Variants in LRRC37A2 observed in about 807,000 individuals in gnomAD.
LRRC37A2 encodes leucine rich repeat containing 37 member A2.
LRRC37A2 carries 9 observed loss-of-function variants against 68.8 expected under a neutral mutation model. The observed-to-expected ratio is 0.13, with a 90% CI of 0.08 to 0.23. The LOEUF (loss-of-function observed/expected upper bound fraction) is 0.23, where lower values mean the gene tolerates loss of function less well. Among genes scored for constraint, LRRC37A2 ranks in the 10% least tolerant of loss-of-function variants. LRRC37A2 has a pLI of 1.00. For synonymous variants in LRRC37A2, 63 were observed against 367.6 expected, an observed-to-expected ratio of 0.17 and a Z score of 9.48; for missense variants, 168 against 950.4, an observed-to-expected ratio of 0.18 and a Z score of 10.82.
At chr17:46,881,510 A>G in the LRRC37A2 span, among the ~76,000 whole-genome samples, 1 of 152,242 alleles carries the variant, frequency 6.6e-6, no homozygotes, top group Non-Finnish European at 1.5e-5. Flanking sequence ...ACCAAAGGCT[A>G]TATCGCTAGC....
chr17:46,779,180 T>G, the LRRC37A2 span, among the ~76,000 whole-genome samples: 1 of 151,490 alleles, frequency 6.6e-6, no homozygotes, highest in Admixed American at 6.6e-5. Flanking sequence ...AATGAAGAAC[T>G]CTTCCAAAGG....
At chr17:46,749,470 G>A in the LRRC37A2 span, among the ~76,000 whole-genome samples, 3 of 152,158 alleles carry the variant, frequency 2.0e-5, no homozygotes, top group Non-Finnish European at 4.4e-5. Flanking sequence ...TCTGAGGAAG[G>A]AATTACATAC....
At chr17:46,920,383 C>G in the LRRC37A2 span, among the ~76,000 whole-genome samples, 1 of 152,076 alleles carries the variant, frequency 6.6e-6, no homozygotes, top group South Asian at 2.1e-4. Flanking sequence ...GTTCCTATCT[C>G]CAGTATCTGT....
chr17:46,935,000 T>G, the LRRC37A2 span: 1 of 1,607,998 alleles, frequency 6.2e-7, no homozygotes. Context: ...ATAAGCAAAG[T>G]TAATCAAGTG....
chr17:46,834,495 G>T, the LRRC37A2 span, among the ~76,000 whole-genome samples: 1 of 152,154 alleles, frequency 6.6e-6, no homozygotes, highest in Non-Finnish European at 1.5e-5. Flanking sequence ...TTTACAACAG[G>T]GGGTACGGAG....
chr17:46,722,958 A>G, the LRRC37A2 span, among the ~76,000 whole-genome samples: 1 of 152,216 alleles, frequency 6.6e-6, no homozygotes, highest in Non-Finnish European at 1.5e-5. Flanking sequence ...GCAAAAAACA[A>G]GAACGTCACT....
chr17:46,844,251 C>A, the LRRC37A2 span, among the ~76,000 whole-genome samples: 1 of 151,790 alleles, frequency 6.6e-6, no homozygotes, highest in Non-Finnish European at 1.5e-5. Flanking sequence ...GCCACTGTAT[C>A]CAGCCTATAC....
chr17:46,803,625 A>C, the LRRC37A2 span, among the ~76,000 whole-genome samples: 1 of 152,212 alleles, frequency 6.6e-6, no homozygotes, highest in Admixed American at 6.5e-5. Context: ...GATAAAGTTC[A>C]CGCTAGACAA....
chr17:46,493,038 G>C, the LRRC37A2 span, among the ~76,000 whole-genome samples: 1 of 146,804 alleles, frequency 6.8e-6, no homozygotes, highest in Non-Finnish European at 1.5e-5. Flanking sequence ...TAAGTATATG[G>C]TGGTAGCTTC....
At chr17:46,804,416 G>A in the LRRC37A2 span, among the ~76,000 whole-genome samples, 18 of 152,208 alleles carry the variant, frequency 1.2e-4, no homozygotes, top group African/African-American at 4.3e-4. Flanking sequence ...AATCTGATGT[G>A]TTTTCCGTCA....
chr17:46,898,709 T>A, the LRRC37A2 span, among the ~76,000 whole-genome samples: 1 of 152,202 alleles, frequency 6.6e-6, no homozygotes, highest in Non-Finnish European at 1.5e-5. Context: ...GTAGCCAGAT[T>A]CAACAGAGAG....
At chr17:47,048,230 T>C in the LRRC37A2 span, among the ~76,000 whole-genome samples, 1 of 150,910 alleles carries the variant, frequency 6.6e-6, no homozygotes, top group Non-Finnish European at 1.5e-5. Flanking sequence ...TTCTTCCACT[T>C]TCTCACAATC....
chr17:46,921,897 G>A, the LRRC37A2 span, among the ~76,000 whole-genome samples: 1 of 152,194 alleles, frequency 6.6e-6, no homozygotes, highest in African/African-American at 2.4e-5. Flanking sequence ...ACTGTTAACT[G>A]GTTCAACCAT....
chr17:46,735,382 ACGT>A, the LRRC37A2 span, among the ~76,000 whole-genome samples: 6 of 152,022 alleles, frequency 3.9e-5, no homozygotes, highest in African/African-American at 1.4e-4. Flanking sequence ...GGGGATTATA[ACGT>A]CGTAGTAGTC....
the LRRC37A2 span, among the ~76,000 whole-genome samples, chr17:46,742,914 C>G: frequency 6.6e-6 from 1 of 152,142 alleles, no homozygotes; most frequent in Admixed American, 6.5e-5. Flanking sequence ...AAAATTATTC[C>G]TATTTCAAGA....
At chr17:46,834,391 G>C in the LRRC37A2 span, among the ~76,000 whole-genome samples, 1 of 152,130 alleles carries the variant, frequency 6.6e-6, no homozygotes, top group Admixed American at 6.5e-5. Context: ...GGCTGCTGGG[G>C]AGGGCGCGCA....
At chr17:46,833,371 A>G in the LRRC37A2 span, 1 of 518,450 alleles carries the variant, frequency 1.9e-6, no homozygotes, top group Non-Finnish European at 3.8e-6. Flanking sequence ...GTTTCTTTTG[A>G]TCCTCTGGCA....
chr17:46,903,759 ATGGATGGGTGGGGTGGT>A, the LRRC37A2 span, among the ~76,000 whole-genome samples: 1 of 108,148 alleles, frequency 9.2e-6, no homozygotes, highest in Admixed American at 1.1e-4. Context: ...GGGTGAGTGG[ATGGATGGGTGGGGTGGT>A]TGGATGGGTG....
chr17:46,913,921 G>A, the LRRC37A2 span, among the ~76,000 whole-genome samples: 9 of 151,860 alleles, frequency 5.9e-5, no homozygotes, highest in African/African-American at 1.5e-4. Context: ...CACCATGCCC[G>A]GCTAATTTTT....
Sources: gnomAD v4.1 joint callset for allele counts (sites outside exome capture counted in the v4.1 genomes callset) on GRCh38, gnomAD v4.1.1 for gene constraint, MANE v1.5 for transcripts, NCBI Gene and HGNC (gene_info 2026-07-23, HGNC 2026-07-21) for gene names.